CD200R1: variants seen among roughly 807,000 people sequenced by gnomAD.
CD200R1 encodes CD200 receptor 1.
A neutral mutation model predicts 38.1 loss-of-function variants in CD200R1; 30 were observed. The observed-to-expected ratio is 0.79, with a 90% CI of 0.59 to 1.07. CD200R1 has a LOEUF of 1.07. Ranked by LOEUF, CD200R1 falls within the 50% of genes least tolerant of loss-of-function variation. The pLI is 0.00. For missense variants in CD200R1, 372 were observed against 415.4 expected (o/e 0.90, Z 0.91); for synonymous variants, 128 against 152.1 (o/e 0.84, Z 1.16).
At chr3:112,948,992 A>T (rs1044105248) in intron 1 of CD200R1, among the ~76,000 whole-genome samples, 2 of 152,240 alleles carry the variant, frequency 1.3e-5, no homozygotes, top group African/African-American at 4.8e-5. Context: ...GGAAAACAGG[A>T]GTAAGAGATT....
rs1307857405 is a variant in CD200R1 at position 112,925,131 on chromosome 3, A to G, written c.832T>C (p.Leu278=). 16 of 1,608,664 alleles carry G rather than the reference A, an allele frequency of 9.9e-6. No individual in the cohort carries two copies. Among genetic ancestry groups the G allele is most frequent in the African/African-American group, 1.3e-5 (1 of 74,750 alleles). ...AACCAAATGAATCCCACGATGGTCA[A>G]AATAATAATAGTAAGGATGATATAT... ...IPYIILTIII[L]TIVGFIWLLK... is the part of the protein sequence containing the mutation. Residue 278 remains leucine, a synonymous_variant, in exon 6 of 8, where the codon TTG becomes CTG. Transcript: ENST00000308611.
chr3:112,936,479 T>C (rs946189363), intron 2 of CD200R1, among the ~76,000 whole-genome samples: 4 of 152,182 alleles, frequency 2.6e-5, no homozygotes, highest in Admixed American at 6.5e-5. Context: ...TTTCTGGACT[T>C]TTTAGTAATC....
intron 1 of CD200R1, among the ~76,000 whole-genome samples, chr3:112,951,013 A>C (rs1559952998): frequency 6.6e-6 from 1 of 152,176 alleles, no homozygotes; most frequent in Non-Finnish European, 1.5e-5. Context: ...AAAACACAAT[A>C]ATAAATATAA....
chr3:112,972,022 T>G (rs1313167823), intron 1 of CD200R1, among the ~76,000 whole-genome samples: 1 of 152,244 alleles, frequency 6.6e-6, no homozygotes, highest in Non-Finnish European at 1.5e-5. Flanking sequence ...ATTTTAAATG[T>G]TCACCAATTG....
At chr3:112,929,567 T>C (rs1214311169) in intron 3 of CD200R1, 60 bp from the exon 4 acceptor site, 43 of 1,427,272 alleles carry the variant, frequency 3.0e-5, no homozygotes, top group Non-Finnish European at 4.0e-5. Context: ...TGTGTTACAT[T>C]TATCCACAAC....
chr3:112,962,322 T>C (rs1057029754), intron 1 of CD200R1, among the ~76,000 whole-genome samples: 7 of 152,136 alleles, frequency 4.6e-5, no homozygotes, highest in Non-Finnish European at 8.8e-5. Context: ...TCAATGGATA[T>C]GTAGACACTG....
At chr3:112,942,824 G>A (rs1270388425) in intron 2 of CD200R1, among the ~76,000 whole-genome samples, 1 of 151,550 alleles carries the variant, frequency 6.6e-6, no homozygotes, top group African/African-American at 2.4e-5. Flanking sequence ...AATGGAAGTA[G>A]CTATATTAAT....
chr3:112,937,879 T>A (rs1559948171), intron 2 of CD200R1, among the ~76,000 whole-genome samples: 1 of 152,162 alleles, frequency 6.6e-6, no homozygotes, highest in Non-Finnish European at 1.5e-5. Flanking sequence ...AGCAGCAGTT[T>A]ATAGTTTTTC....
At position 112,928,895 on chromosome 3, in the gene CD200R1, C is replaced by G. The variant is rs760122945; in HGVS notation, c.690G>C (p.Glu230Asp). 1 of 1,613,954 alleles carries G rather than the reference C, an allele frequency of 6.2e-7. No individual in the cohort carries two copies. The highest frequency in any genetic ancestry group is 8.5e-7 in the Non-Finnish European group (1 of 1,179,978). Residue 230 changes from glutamate (E) to aspartate (D), a missense_variant, in exon 5 of 8, where the codon GAG becomes GAC. By Grantham distance (45) the Glu-to-Asp change is conservative. Coordinates refer to ENST00000308611, the MANE Select transcript of CD200R1 (RefSeq NM_138806.4). The stretch of plus-strand genomic sequence containing the variant: ...AGGTCACGGTAGACACATTGTGGAC[C>G]TCCCAGTGGCATGTACTCTTAACAG... ...TVTVKSTCHW[E>D]VHNVSTVTCH...
intron 2 of CD200R1, among the ~76,000 whole-genome samples, chr3:112,937,544 G>T (rs1477739562): frequency 1.3e-5 from 2 of 152,078 alleles, no homozygotes; most frequent in Admixed American, 1.3e-4. Flanking sequence ...TGTTCCATTG[G>T]TCTATGTGTC....
chr3:112,928,748 C>T (rs1241239960), intron 5 of CD200R1, 68 bp downstream of exon 5: 3 of 1,213,564 alleles, frequency 2.5e-6, no homozygotes, highest in Non-Finnish European at 3.4e-6. Flanking sequence ...ATTTGCACAT[C>T]TTTTTTTTTC....
At chr3:112,937,902 T>C (rs1170219770) in intron 2 of CD200R1, among the ~76,000 whole-genome samples, 1 of 152,178 alleles carries the variant, frequency 6.6e-6, no homozygotes, top group Non-Finnish European at 1.5e-5. Flanking sequence ...AAAGAGGTCC[T>C]TCACTTCCCT....
intron 1 of CD200R1, among the ~76,000 whole-genome samples, chr3:112,968,691 C>T (rs138885856): frequency 5.9e-5 from 9 of 152,294 alleles, no homozygotes; most frequent in African/African-American, 2.2e-4. Context: ...TGAAAAGTGA[C>T]AGAGTCAGAG....
chr3:112,960,724 G>A (rs564973623), intron 1 of CD200R1, among the ~76,000 whole-genome samples: 9 of 152,040 alleles, frequency 5.9e-5, no homozygotes, highest in South Asian at 2.1e-4. Flanking sequence ...TAATGACTAC[G>A]TTTAACGCAG....
At chr3:112,964,701 T>C (rs941885968) in intron 1 of CD200R1, among the ~76,000 whole-genome samples, 1 of 152,162 alleles carries the variant, frequency 6.6e-6, no homozygotes. Context: ...CTGTGGACTT[T>C]TGAGTTAATG....
chr3:112,944,585 CTGCTTTTCTAACTAA>C (rs1940802760), intron 2 of CD200R1, among the ~76,000 whole-genome samples: 3 of 152,138 alleles, frequency 2.0e-5, no homozygotes, highest in South Asian at 4.1e-4. Flanking sequence ...CTTTTCACCA[CTGCTTTTCTAACTAA>C]TGCTTTTCTA....
chr3:112,963,540 G>A (rs546320140), intron 1 of CD200R1, among the ~76,000 whole-genome samples: 4 of 152,330 alleles, frequency 2.6e-5, no homozygotes, highest in African/African-American at 9.6e-5. Context: ...CTGCCCTAGA[G>A]ATGTGTGGAA....
At chr3:112,945,242 G>C (rs1456548686) in intron 2 of CD200R1, among the ~76,000 whole-genome samples, 1 of 152,080 alleles carries the variant, frequency 6.6e-6, no homozygotes, top group Admixed American at 6.6e-5. Flanking sequence ...TATCTAGAGA[G>C]GCAAAAGACT....
intron 1 of CD200R1, among the ~76,000 whole-genome samples, chr3:112,948,687 C>T (rs971809293): frequency 6.6e-6 from 1 of 152,220 alleles, no homozygotes; most frequent in African/African-American, 2.4e-5. Flanking sequence ...TGGTACCAGT[C>T]TGCAGCCCCA....
Sources: allele counts gnomAD v4.1 joint callset (sites outside exome capture counted in the v4.1 genomes callset), GRCh38; gene constraint gnomAD v4.1.1; transcripts MANE v1.5; gene names NCBI Gene and HGNC (gene_info 2026-07-23, HGNC 2026-07-21).